Variants in OSBPL6 observed in about 807,000 individuals in gnomAD.
OSBPL6 encodes oxysterol-binding protein-related protein 6.
A neutral mutation model predicts 125.8 loss-of-function variants in OSBPL6; 49 were observed. The observed-to-expected ratio is 0.39, with a 90% CI of 0.31 to 0.49. The LOEUF (loss-of-function observed/expected upper bound fraction) is 0.49, where lower values mean the gene tolerates loss of function less well. Among genes scored for constraint, OSBPL6 ranks in the 20% least tolerant of loss-of-function variants. The pLI is 0.88. For synonymous variants in OSBPL6, 394 were observed against 391.8 expected, an observed-to-expected ratio of 1.01 and a Z score of -0.07; for missense variants, 986 against 1,135.4, an observed-to-expected ratio of 0.87 and a Z score of 1.89.
intron 18 of OSBPL6, among the ~76,000 whole-genome samples, chr2:178,385,154 C>G (rs1049065284): frequency 6.6e-6 from 1 of 151,994 alleles, no homozygotes; most frequent in Admixed American, 6.6e-5. Flanking sequence ...TTGATTGGTG[C>G]AGCAAACCAC....
At position 178,359,084 on chromosome 2, in the gene OSBPL6, G is replaced by A. The variant is rs185386850; in HGVS notation, c.1154-2598G>A. ...CTAGCTACTCGAGAGGCTGATGTGG[G>A]AGGATCACTTAAGCCCAGGAGTTAG... On this transcript the variant is annotated intron_variant, in intron 12 of 24. Transcript: ENST00000190611. Among the ~76,000 whole-genome samples, 33 of 152,254 alleles carry A rather than the reference G, an allele frequency of 2.2e-4. No homozygotes were observed. In the East Asian group the frequency reaches 6.0e-3, roughly 28 times the overall value.
chr2:178,300,887 T>C (rs1183035325), intron 2 of OSBPL6, among the ~76,000 whole-genome samples: 1 of 152,040 alleles, frequency 6.6e-6, no homozygotes, highest in East Asian at 1.9e-4. Flanking sequence ...TAAAAGGCTA[T>C]TAAAACCATA....
rs1688870326 is a variant in OSBPL6, at chr2:178,328,244, C to T, written c.196-12C>T. 8 of 1,612,200 alleles carry T rather than the reference C, an allele frequency of 5.0e-6. No individual in the cohort carries two copies. Among genetic ancestry groups the T allele is most frequent in the Non-Finnish European group, 5.9e-6 (7 of 1,179,290 alleles). ...GAGTAACATGTGATTTGTTTTTCTT[C>T]TTTTCTCTCAGGAAGCTGACAGCTG... On this transcript the variant is annotated splice_polypyrimidine_tract_variant and intron_variant, in intron 4 of 24. Transcript: ENST00000190611.
intron 12 of OSBPL6, among the ~76,000 whole-genome samples, chr2:178,350,513 T>C (rs1188884014): frequency 3.3e-5 from 5 of 152,178 alleles, no homozygotes; most frequent in African/African-American, 1.2e-4. Context: ...CAGCCAACAT[T>C]TGCAATCTCA....
chr2:178,361,081 C>T (rs1475434055), intron 12 of OSBPL6, among the ~76,000 whole-genome samples: 3 of 152,032 alleles, frequency 2.0e-5, no homozygotes, highest in Non-Finnish European at 4.4e-5. Context: ...TTTATTGTTG[C>T]TTTTAAATCA....
At chr2:178,358,349 T>C (rs1183097726) in intron 12 of OSBPL6, among the ~76,000 whole-genome samples, 5 of 152,188 alleles carry the variant, frequency 3.3e-5, no homozygotes. Context: ...TTTAAAATTA[T>C]ATTACAAAGC....
chr2:178,216,514 CTCT>C (rs1458480218), intron 1 of OSBPL6, among the ~76,000 whole-genome samples: 1 of 152,148 alleles, frequency 6.6e-6, no homozygotes, highest in Non-Finnish European at 1.5e-5. Flanking sequence ...AGAGAGGAAG[CTCT>C]TCTTTTATTG....
intron 2 of OSBPL6, among the ~76,000 whole-genome samples, chr2:178,289,505 T>C (rs1685042953): frequency 1.3e-5 from 2 of 152,228 alleles, no homozygotes. Flanking sequence ...CCAGTAGGCA[T>C]ATTTTAATAT....
At chr2:178,359,125 A>G (rs1212374784) in intron 12 of OSBPL6, among the ~76,000 whole-genome samples, 1 of 152,202 alleles carries the variant, frequency 6.6e-6, no homozygotes. Context: ...ACAGTGAGCT[A>G]TGATCACGCC....
At chr2:178,242,359 C>A (rs1285794433) in intron 1 of OSBPL6, among the ~76,000 whole-genome samples, 2 of 152,136 alleles carry the variant, frequency 1.3e-5, no homozygotes, top group Non-Finnish European at 2.9e-5. Flanking sequence ...AGCTGAGCAG[C>A]CTACTTTCCA....
intron 1 of OSBPL6, among the ~76,000 whole-genome samples, chr2:178,210,668 C>A (rs547743220): frequency 6.6e-6 from 1 of 151,898 alleles, no homozygotes; most frequent in Admixed American, 6.6e-5. Context: ...AAAAATAAGC[C>A]GGGCATTGTG....
At chr2:178,269,170 A>G (rs546174435) in intron 1 of OSBPL6, among the ~76,000 whole-genome samples, 7 of 152,306 alleles carry the variant, frequency 4.6e-5, no homozygotes, top group African/African-American at 1.4e-4. Flanking sequence ...AGCCAGACAG[A>G]AGAGAGGTAT....
Position 178,383,048 on chromosome 2 carries a change from G to A in OSBPL6, c.1646G>A (p.Gly549Glu), listed in dbSNP as rs1349274870. 4 of 1,614,136 alleles carry A rather than the reference G, an allele frequency of 2.5e-6. No individual in the cohort carries two copies. The highest frequency in any genetic ancestry group is 3.4e-6 in the Non-Finnish European group (4 of 1,180,018). Reference protein sequence around the residue: ...RQILNGELTGGAFRNGRRACL... With the variant: ...RQILNGELTGEAFRNGRRACL... ...GTCCTGAATGGGGAGCTTACAGGAGGGGCCTTCCGAAATGGGCGTCGAGCA... is the reference window on the plus strand; with the variant it reads ...GTCCTGAATGGGGAGCTTACAGGAGAGGCCTTCCGAAATGGGCGTCGAGCA... The change falls in exon 17 of 25, where the codon GGG (glycine) becomes GAG (glutamate). Residue 549 changes from glycine (G) to glutamate (E), a missense_variant. Physicochemically the swap from Gly to Glu is moderately conservative, Grantham distance 98. Coordinates refer to ENST00000190611, the MANE Select transcript of OSBPL6 (RefSeq NM_032523.4).
chr2:178,392,860 A>C (rs1021594678), intron 23 of OSBPL6, among the ~76,000 whole-genome samples: 4 of 147,286 alleles, frequency 2.7e-5, no homozygotes, highest in African/African-American at 9.9e-5. Context: ...GACCCTGGCA[A>C]AAAAAAAAAA....
intron 13 of OSBPL6, among the ~76,000 whole-genome samples, chr2:178,363,032 GATCAAA>G (rs1331615125): frequency 3.9e-5 from 6 of 152,300 alleles, no homozygotes; most frequent in Admixed American, 1.3e-4. Context: ...GAATCAGAAA[GATCAAA>G]ATATTGGTCA....
At chr2:178,248,989 G>A (rs1248101636) in intron 1 of OSBPL6, among the ~76,000 whole-genome samples, 3 of 151,690 alleles carry the variant, frequency 2.0e-5, no homozygotes, top group Admixed American at 1.3e-4. Context: ...CAGGCTGGAG[G>A]GCAGTGGTGC....
At chr2:178,241,089 T>C (rs1019932195) in intron 1 of OSBPL6, among the ~76,000 whole-genome samples, 1 of 152,216 alleles carries the variant, frequency 6.6e-6, no homozygotes, top group Non-Finnish European at 1.5e-5. Context: ...TTAAATTTGA[T>C]ATCTTAAGTG....
intron 12 of OSBPL6, among the ~76,000 whole-genome samples, chr2:178,350,675 T>G (rs987245562): frequency 2.0e-5 from 3 of 152,212 alleles, no homozygotes; most frequent in African/African-American, 7.2e-5. Context: ...TTCATTGCAT[T>G]TCTTAGCTGG....
At chr2:178,269,627 T>C (rs891929795) in intron 1 of OSBPL6, among the ~76,000 whole-genome samples, 1 of 152,176 alleles carries the variant, frequency 6.6e-6, no homozygotes, top group Admixed American at 6.5e-5. Context: ...AATGAATTTT[T>C]CCCAGTGTTA....
Sources: gnomAD v4.1 joint callset for allele counts (sites outside exome capture counted in the v4.1 genomes callset) on GRCh38, gnomAD v4.1.1 for gene constraint, MANE v1.5 for transcripts, NCBI Gene and HGNC (gene_info 2026-07-23, HGNC 2026-07-21) for gene names.